Variants in XPO6 observed in about 807,000 individuals in gnomAD.
XPO6 encodes the protein exportin-6.
A neutral mutation model predicts 130.0 loss-of-function variants in XPO6; 3 were observed. The ratio of observed to expected loss-of-function variants is 0.02; its 90% CI spans 0.01 to 0.06. The LOEUF is 0.06. XPO6 is among the 10% of genes least tolerant of loss of function. The pLI, the probability that XPO6 is intolerant of heterozygous loss-of-function variation, is 1.00. For synonymous variants in XPO6, 524 were observed against 548.9 expected, an observed-to-expected ratio of 0.95 and a Z score of 0.63; for missense variants, 970 against 1,393.0, an observed-to-expected ratio of 0.70 and a Z score of 4.83.
chr16:28,168,602 CTTT>C (rs371113316), intron 5 of XPO6, among the ~76,000 whole-genome samples: 2 of 142,392 alleles, frequency 1.4e-5, no homozygotes, highest in Admixed American at 7.0e-5. Flanking sequence ...TTTTCTTTTT[CTTT>C]TTTTTTTTTT....
chr16:28,167,734 G>T (rs146209811), intron 5 of XPO6, among the ~76,000 whole-genome samples: 11 of 152,126 alleles, frequency 7.2e-5, no homozygotes, highest in Non-Finnish European at 1.6e-4. Flanking sequence ...TGATCACAAA[G>T]GCTTTTGAAA....
chr16:28,129,427 G>C (rs769624114), intron 12 of XPO6, among the ~76,000 whole-genome samples: 40 of 152,130 alleles, frequency 2.6e-4, no homozygotes, highest in Admixed American at 7.9e-4. Flanking sequence ...CAAAAGCACA[G>C]GACATCTGCA....
At chr16:28,186,374 C>CTTTTTT (rs60754642) in intron 1 of XPO6, among the ~76,000 whole-genome samples, 1,871 of 81,382 alleles carry the variant, frequency 0.023, 290 homozygotes, top group East Asian at 0.032. Flanking sequence ...CCCAGTTATT[C>CTTTTTT]TTTTTTTTTT....
chr16:28,177,122 C>A, intron 3 of XPO6, 98 bp downstream of exon 3: 1 of 694,080 alleles, frequency 1.4e-6, no homozygotes, highest in South Asian at 2.3e-5. Flanking sequence ...GCTGAGCTAC[C>A]CTCTCCCAGC....
chr16:28,122,294 T>C, intron 13 of XPO6, among the ~76,000 whole-genome samples: 1 of 152,230 alleles, frequency 6.6e-6, no homozygotes, highest in Middle Eastern at 3.4e-3. Context: ...AATTAATATA[T>C]AATGTTTTAT....
intron 13 of XPO6, among the ~76,000 whole-genome samples, chr16:28,124,982 C>T (rs2087356131): frequency 6.6e-6 from 1 of 152,162 alleles, no homozygotes; most frequent in Admixed American, 6.5e-5. Context: ...TTGAAATGAT[C>T]TAAATGTCCT....
At chr16:28,156,855 T>C (rs916596906) in intron 6 of XPO6, among the ~76,000 whole-genome samples, 1 of 152,178 alleles carries the variant, frequency 6.6e-6, no homozygotes, top group African/African-American at 2.4e-5. Context: ...AAGATGGGAT[T>C]ATTCTCTGGC....
intron 6 of XPO6, among the ~76,000 whole-genome samples, chr16:28,157,006 C>T (rs561231429): frequency 3.7e-4 from 57 of 152,064 alleles, no homozygotes; most frequent in African/African-American, 1.4e-3. Flanking sequence ...CAAAGTTGGG[C>T]ACCAAATGAA....
chr16:28,129,793 C>T (rs140102899), intron 12 of XPO6, among the ~76,000 whole-genome samples: 77 of 152,294 alleles, frequency 5.1e-4, no homozygotes, highest in African/African-American at 1.7e-3. Flanking sequence ...ATCCCTTACA[C>T]AGGAAAGTTT....
chr16:28,177,849 C>T (rs1036851231), intron 2 of XPO6, among the ~76,000 whole-genome samples: 8 of 152,308 alleles, frequency 5.3e-5, no homozygotes, highest in Middle Eastern at 3.4e-3. Flanking sequence ...GAATTCAAAA[C>T]GGCTAACTCT....
intron 1 of XPO6, chr16:28,208,988 A>G (rs1045263735): frequency 1.3e-5 from 2 of 152,228 alleles, no homozygotes; most frequent in African/African-American, 2.4e-5. Flanking sequence ...CATACTCACA[A>G]TGGAATTCAG....
chr16:28,117,536 G>A, intron 14 of XPO6, 74 bp from the exon 15 acceptor site: 1 of 1,543,442 alleles, frequency 6.5e-7, no homozygotes, highest in South Asian at 1.2e-5. Context: ...ATTTTCATAG[G>A]AGGTAAGAAT....
rs1382636919 is a variant in XPO6, at chr16:28,124,119, G to A, written c.1766+1570C>T. On this transcript the variant is annotated intron_variant, in intron 13 of 23. Coordinates refer to ENST00000304658, the MANE Select transcript of XPO6 (RefSeq NM_015171.4). ...GTTGCCCAGGCTGGAGTGCACTGGCGCAATCTCAGCTCACTGCAACCTCCG... is the reference window on the plus strand; with the variant it reads ...GTTGCCCAGGCTGGAGTGCACTGGCACAATCTCAGCTCACTGCAACCTCCG... Among the ~76,000 whole-genome samples, 5 of 150,112 alleles carry A rather than the reference G, an allele frequency of 3.3e-5. No individual in the cohort carries two copies. In the East Asian group the frequency reaches 7.8e-4, roughly 24 times the overall value.
chr16:28,163,658 A>G (rs1207171281), intron 6 of XPO6, among the ~76,000 whole-genome samples: 2 of 152,202 alleles, frequency 1.3e-5, no homozygotes, highest in Admixed American at 6.5e-5. Flanking sequence ...CCTTTTTTAA[A>G]GTCAAGGACA....
intron 4 of XPO6, among the ~76,000 whole-genome samples, chr16:28,173,896 C>T (rs546460215): frequency 1.3e-5 from 2 of 152,326 alleles, no homozygotes; most frequent in Admixed American, 6.5e-5. Context: ...CCAATCCCAG[C>T]GGTGGAACTG....
chr16:28,159,949 G>A (rs1167993829), intron 6 of XPO6, among the ~76,000 whole-genome samples: 1 of 152,116 alleles, frequency 6.6e-6, no homozygotes, highest in African/African-American at 2.4e-5. Context: ...ACTTTGGGAG[G>A]CCAAGGCGGG....
chr16:28,155,808 G>A (rs937473648), intron 7 of XPO6: 10 of 739,434 alleles, frequency 1.4e-5, no homozygotes, highest in Non-Finnish European at 1.5e-5. Context: ...GGCAAGAGGA[G>A]TAGAAGGGAG....
chr16:28,135,975 T>C (rs2042767166), intron 9 of XPO6, among the ~76,000 whole-genome samples: 1 of 152,230 alleles, frequency 6.6e-6, no homozygotes, highest in Non-Finnish European at 1.5e-5. Context: ...TTTCAAGTTA[T>C]GATCTTAGCA....
chr16:28,203,697 C>G (rs1265064428), intron 1 of XPO6, among the ~76,000 whole-genome samples: 2 of 152,182 alleles, frequency 1.3e-5, no homozygotes, highest in Non-Finnish European at 2.9e-5. Context: ...TACAGGCTTC[C>G]AAAATCAGCT....
Sources: gnomAD v4.1 joint callset for allele counts (sites outside exome capture counted in the v4.1 genomes callset) on GRCh38, gnomAD v4.1.1 for gene constraint, MANE v1.5 for transcripts, NCBI Gene and HGNC (gene_info 2026-07-23, HGNC 2026-07-21) for gene names.